Variants in ADCY9 observed in about 807,000 individuals in gnomAD.
ADCY9 encodes the protein adenylate cyclase type 9.
Under a neutral mutation model 101.5 loss-of-function variants are expected in ADCY9, and 50 were observed. That is an observed-to-expected ratio of 0.49 (90% CI 0.39 to 0.62). The LOEUF (loss-of-function observed/expected upper bound fraction) is 0.62, where lower values mean the gene tolerates loss of function less well. Among genes scored for constraint, ADCY9 ranks in the 20% least tolerant of loss-of-function variants. The probability of loss-of-function intolerance (pLI) is 0.00; values close to 1 mark genes in which losing one functional copy is unlikely to be tolerated. For synonymous variants in ADCY9, 905 were observed against 769.3 expected (o/e 1.18, Z -2.92); for missense variants, 1,662 against 1,800.4 (o/e 0.92, Z 1.39).
At chr16:3,985,621 G>A (rs948046521) in intron 6 of ADCY9, among the ~76,000 whole-genome samples, 18 of 152,160 alleles carry the variant, frequency 1.2e-4, no homozygotes, top group Admixed American at 3.3e-4. Flanking sequence ...AGGTTTCCAC[G>A]TGGGCTGCCG....
Position 4,069,260 on chromosome 16 carries a change from C to T in ADCY9, c.1693+44490G>A, listed in dbSNP as rs1053024189. Among the ~76,000 whole-genome samples the T allele has an allele frequency of 5.8e-5, 7 of 120,916 alleles. No individual in the cohort carries two copies. The Admixed American group carries it at 5.8e-4, about 10-fold the overall frequency. The allele number at this position is 120,916 out of a possible 152,430, so 79.3% of individuals were successfully genotyped here. On this transcript the variant is annotated intron_variant, in intron 2 of 10. Coordinates refer to ENST00000294016, the MANE Select transcript of ADCY9 (RefSeq NM_001116.4). Reference sequence around the variant, plus strand: ...AAATTTTTTTTCTTATTTCAATATGCTGTTGTTGTAAGTTATTATTATTAT... The same window carrying T: ...AAATTTTTTTTCTTATTTCAATATGTTGTTGTTGTAAGTTATTATTATTAT...
chr16:4,050,092 C>A (rs995748510), intron 2 of ADCY9, among the ~76,000 whole-genome samples: 1 of 151,822 alleles, frequency 6.6e-6, no homozygotes, highest in Non-Finnish European at 1.5e-5. Flanking sequence ...GGGTGGGGAC[C>A]CTTGGCTGCC....
At chr16:4,081,073 G>T (rs1171004762) in intron 2 of ADCY9, among the ~76,000 whole-genome samples, 3 of 152,302 alleles carry the variant, frequency 2.0e-5, no homozygotes, top group African/African-American at 7.2e-5. Flanking sequence ...ATATTTCTAG[G>T]TCTGTGCTTT....
chr16:4,042,455 G>C (rs1041819208), intron 2 of ADCY9, among the ~76,000 whole-genome samples: 5 of 152,078 alleles, frequency 3.3e-5, no homozygotes, highest in African/African-American at 1.2e-4. Flanking sequence ...TGAATTCTTA[G>C]GATATTTTGC....
rs75240024 is a variant in ADCY9, at chr16:3,981,322, G to C, written c.2519+1910C>G. On this transcript the variant is annotated intron_variant, in intron 7 of 10. Transcript: ENST00000294016. ...AGGAGCAGGGAATAATAGCTAAAGG[G>C]TGAAAGTAAAAAGGAATGGAGACAA... Among the ~76,000 whole-genome samples the C allele has an allele frequency of 7.0e-3, 1,060 of 152,288 alleles. 12 individuals are homozygous for C. Among genetic ancestry groups the C allele is most frequent in the African/African-American group, 0.024 (985 of 41,574 alleles).
At chr16:4,052,009 C>A (rs2056704904) in intron 2 of ADCY9, among the ~76,000 whole-genome samples, 1 of 152,180 alleles carries the variant, frequency 6.6e-6, no homozygotes, top group Non-Finnish European at 1.5e-5. Flanking sequence ...ACCACCTCAA[C>A]CAAATGATAA....
chr16:4,063,935 G>T (rs1179795247), intron 2 of ADCY9, among the ~76,000 whole-genome samples: 1 of 152,120 alleles, frequency 6.6e-6, no homozygotes, highest in Non-Finnish European at 1.5e-5. Flanking sequence ...CATTGTACTG[G>T]AGGTGCTATC....
chr16:3,976,803 G>A (rs537024016), intron 9 of ADCY9, among the ~76,000 whole-genome samples: 38 of 152,270 alleles, frequency 2.5e-4, no homozygotes, highest in African/African-American at 9.1e-4. Context: ...GATTACAGGT[G>A]CACGCCCCCA....
chr16:4,007,431 C>G lies in ADCY9; in HGVS notation c.1821G>C (p.Gly607=), dbSNP rs1253493738. The G allele has an allele frequency of 6.2e-7, 1 of 1,613,866 alleles. No individual in the cohort carries two copies. The highest frequency in any genetic ancestry group is 8.5e-7 in the Non-Finnish European group (1 of 1,179,936). Residue 607 remains glycine, a synonymous_variant, in exon 3 of 11, where the codon GGG becomes GGC. Coordinates refer to ENST00000294016, the MANE Select transcript of ADCY9 (RefSeq NM_001116.4). ...SQVSSGPRGQ[G]TASSGNVSDL... Reference sequence around the variant, plus strand: ...CACTGACATTCCCTGATGACGCTGTCCCCTGTCCCCTAGGGCCTGAGGACA... The same window carrying G: ...CACTGACATTCCCTGATGACGCTGTGCCCTGTCCCCTAGGGCCTGAGGACA...
chr16:3,984,942 G>A (rs999566680), intron 6 of ADCY9, among the ~76,000 whole-genome samples: 6 of 152,134 alleles, frequency 3.9e-5, no homozygotes, highest in South Asian at 2.1e-4. Context: ...GCACTTGGAC[G>A]GTGGGAGCAA....
At chr16:3,976,026 C>G (rs988260004) in intron 9 of ADCY9, among the ~76,000 whole-genome samples, 7 of 152,170 alleles carry the variant, frequency 4.6e-5, no homozygotes, top group Non-Finnish European at 7.3e-5. Context: ...GAGTCTTGCT[C>G]TGTCACCCAG....
intron 10 of ADCY9, among the ~76,000 whole-genome samples, chr16:3,973,395 C>T (rs553882842): frequency 1.4e-4 from 22 of 152,126 alleles, no homozygotes; most frequent in Middle Eastern, 6.8e-3. Context: ...TTAGTAGAGA[C>T]GGGGTTTTGC....
chr16:3,975,846 T>C (rs188770945), intron 9 of ADCY9, among the ~76,000 whole-genome samples: 1 of 152,338 alleles, frequency 6.6e-6, no homozygotes, highest in Non-Finnish European at 1.5e-5. Flanking sequence ...GGGTTTAAGA[T>C]ATCACGAAAT....
chr16:4,041,976 T>G (rs1354000964), intron 2 of ADCY9, among the ~76,000 whole-genome samples: 1 of 136,520 alleles, frequency 7.3e-6, no homozygotes, highest in Non-Finnish European at 1.5e-5. Flanking sequence ...CAGGCTGAAG[T>G]GTACTGGTGT....
chr16:4,007,255 G>C, intron 3 of ADCY9, 113 bp downstream of exon 3: 1 of 868,632 alleles, frequency 1.2e-6, no homozygotes, highest in Non-Finnish European at 1.6e-6. Context: ...CCAAATCGAA[G>C]GTCATTCCAA....
intron 5 of ADCY9, 35 bp from the exon 6 acceptor site, chr16:3,989,131 C>T: frequency 6.8e-7 from 1 of 1,480,434 alleles, no homozygotes; most frequent in Non-Finnish European, 9.4e-7. Flanking sequence ...GATCAATACC[C>T]AGCACCATAA....
chr16:3,983,122 C>T, intron 7 of ADCY9, 110 bp downstream of exon 7: 1 of 1,051,696 alleles, frequency 9.5e-7, no homozygotes, highest in Non-Finnish European at 1.3e-6. Context: ...AGAAATCAGC[C>T]AGCAGGGACA....
chr16:3,966,675 A>C lies in ADCY9; in HGVS notation c.3162T>G (p.His1054Gln), dbSNP rs2230742. 1.9e-6 allele frequency: 3 copies of C among 1,613,836 alleles called. No individual in the cohort carries two copies. Among genetic ancestry groups the C allele is most frequent in the Admixed American group, 1.7e-5 (1 of 59,978 alleles). Residue 1054 changes from histidine to glutamine, a missense_variant, in exon 11 of 11, where the codon CAT becomes CAG. By Grantham distance (24) the His-to-Gln change is conservative. This residue lies in a region of ADCY9 where 220 missense variants were observed against 312.9 expected (regional missense o/e 0.70). Transcript: ENST00000294016. ...TGGCGAAGATCACCCCTCCGCTGTC[A>C]TGGTTCTTGGAGTAGGTCTGGGACA... ...LKVSQTYSKN[H>Q]DSGGVIFASI...
intron 2 of ADCY9, among the ~76,000 whole-genome samples, chr16:4,070,071 C>G (rs2056824114): frequency 6.6e-6 from 1 of 152,046 alleles, no homozygotes; most frequent in Admixed American, 6.5e-5. Flanking sequence ...GCACTCCAGC[C>G]TCGGCAACAG....
Sources: gnomAD v4.1 joint callset for allele counts (sites outside exome capture counted in the v4.1 genomes callset) on GRCh38, gnomAD v4.1.1 for gene constraint, gnomAD v4.1.1 regional missense constraint, MANE v1.5 for transcripts, NCBI Gene and HGNC (gene_info 2026-07-23, HGNC 2026-07-21) for gene names.